Variants in TNIK observed in about 807,000 individuals in gnomAD.
The protein encoded by TNIK is TRAF2 and NCK interacting kinase, also known as TRAF2 and NCK-interacting protein kinase.
TNIK carries 49 observed loss-of-function variants against 191.3 expected under a neutral mutation model. The observed-to-expected ratio is 0.26, with a 90% CI of 0.20 to 0.32. The LOEUF is 0.32. Ranked by LOEUF, TNIK falls within the 10% of genes least tolerant of loss-of-function variation. The pLI is 1.00. For synonymous variants in TNIK, 594 were observed against 600.9 expected (o/e 0.99, Z 0.17); for missense variants, 1,155 against 1,702.3 (o/e 0.68, Z 5.66).
chr3:171,228,909 A>G (rs928869873), intron 2 of TNIK, among the ~76,000 whole-genome samples: 2 of 152,206 alleles, frequency 1.3e-5, no homozygotes, highest in East Asian at 3.9e-4. Flanking sequence ...TCCTTGAGAA[A>G]ACACAATGTC....
At chr3:171,085,394 G>T (rs1343989882) in intron 24 of TNIK, among the ~76,000 whole-genome samples, 165 bp from the exon 25 acceptor site, 1 of 152,156 alleles carries the variant, frequency 6.6e-6, no homozygotes, top group African/African-American at 2.4e-5. Context: ...AGCTTCTTCT[G>T]GTATTGGTTA....
chr3:171,434,940 A>G lies in TNIK; in HGVS notation c.57+25067T>C, dbSNP rs143513486. Among the ~76,000 whole-genome samples, 336 of 152,312 alleles carry G rather than the reference A, an allele frequency of 2.2e-3. 2 individuals are homozygous for G. The highest frequency in any genetic ancestry group is 7.6e-3 in the African/African-American group (314 of 41,566). ...TGCAACTGCAAGTAAAAAAAAACAC[A>G]CAACTGAGAGTGGCTTAAACAATGT... On this transcript the variant is annotated intron_variant, in intron 1 of 32. Transcript: ENST00000436636.
At chr3:171,332,198 T>C (rs1412487608) in intron 2 of TNIK, among the ~76,000 whole-genome samples, 1 of 152,218 alleles carries the variant, frequency 6.6e-6, no homozygotes, top group Admixed American at 6.5e-5. Flanking sequence ...CCCCTACCAT[T>C]AAAAATTCTT....
intron 1 of TNIK, among the ~76,000 whole-genome samples, chr3:171,441,899 AT>A (rs1726860006): frequency 1.3e-5 from 2 of 152,254 alleles, no homozygotes; most frequent in Non-Finnish European, 2.9e-5. Flanking sequence ...CAGAGTTCAC[AT>A]GATCTCACAA....
chr3:171,333,535 C>T (rs1347094339), intron 2 of TNIK, among the ~76,000 whole-genome samples: 1 of 147,478 alleles, frequency 6.8e-6, no homozygotes, highest in Non-Finnish European at 1.5e-5. Flanking sequence ...GATCGCACCA[C>T]TGCACTCCAA....
At chr3:171,185,306 A>G (rs1737228602) in intron 7 of TNIK, among the ~76,000 whole-genome samples, 1 of 152,042 alleles carries the variant, frequency 6.6e-6, no homozygotes, top group Non-Finnish European at 1.5e-5. Context: ...TGGTTCTGTT[A>G]AAGTAATAAA....
In TNIK at chr3:171,440,718, G is replaced by A. The variant is rs186536869; in HGVS notation, c.57+19289C>T. Among the ~76,000 whole-genome samples, 807 of 152,336 alleles carry A rather than the reference G, an allele frequency of 5.3e-3. 3 individuals are homozygous for A. Among genetic ancestry groups the A allele is most frequent in the Admixed American group, 9.9e-3 (151 of 15,300 alleles). ...GAGCTTATAGTCTCTTCTGCAGGAA[G>A]AGGGTGTGGAGGGAGACAACCAAAT... On this transcript the variant is annotated intron_variant, in intron 1 of 32. Transcript: ENST00000436636.
At chr3:171,280,141 G>T (rs1337523846) in intron 2 of TNIK, among the ~76,000 whole-genome samples, 1 of 152,136 alleles carries the variant, frequency 6.6e-6, no homozygotes, top group African/African-American at 2.4e-5. Flanking sequence ...ATGAATGGAT[G>T]GGCACCACAC....
Position 171,101,597 on chromosome 3 carries a change from G to A in TNIK, c.2443C>T (p.Arg815Trp), listed in dbSNP as rs181528556. 1.8e-5 allele frequency: 29 copies of A among 1,613,152 alleles called. No homozygotes were observed. Among genetic ancestry groups the A allele is most frequent in the East Asian group, 1.1e-4 (5 of 44,862 alleles). ...ATTGGGCGGTTTGTTTCTTCAATCC[G>A]GAGTTCTCTTAGTTCTTTGGCTAAT... The part of the protein sequence containing the change: ...TALAKELREL[R>W]IEETNRPMKK... Residue 815 changes from arginine to tryptophan, a missense_variant, in exon 22 of 33, where the codon CGG (arginine) becomes TGG (tryptophan). Arg to Trp is a moderately radical substitution (Grantham distance 101, BLOSUM62 -3). Around this residue, in one of 3 missense-constraint regions of TNIK, gnomAD observed 735 missense variants for 848.0 expected, o/e 0.87. Transcript: ENST00000436636.
intron 12 of TNIK, among the ~76,000 whole-genome samples, chr3:171,140,716 C>G (rs967764628): frequency 6.6e-6 from 1 of 152,168 alleles, no homozygotes; most frequent in Non-Finnish European, 1.5e-5. Flanking sequence ...GCATAACATA[C>G]TTCCATTTAC....
intron 1 of TNIK, among the ~76,000 whole-genome samples, chr3:171,374,318 T>C (rs1716932342): frequency 6.6e-6 from 1 of 152,214 alleles, no homozygotes; most frequent in South Asian, 2.1e-4. Flanking sequence ...GAGCCTGTTG[T>C]AGTAAACTGT....
intron 1 of TNIK, among the ~76,000 whole-genome samples, chr3:171,441,222 A>G (rs1726760072): frequency 6.6e-6 from 1 of 152,168 alleles, no homozygotes; most frequent in Non-Finnish European, 1.5e-5. Flanking sequence ...AGGTACTTAC[A>G]TACCATAAAA....
intron 18 of TNIK, among the ~76,000 whole-genome samples, chr3:171,117,508 G>GAGACATATACATATATATA (rs1305350984): frequency 2.0e-5 from 3 of 152,104 alleles, no homozygotes; most frequent in African/African-American, 7.2e-5. Flanking sequence ...ACATATATAT[G>GAGACATATACATATATATA]AGACATATGT....
intron 10 of TNIK, among the ~76,000 whole-genome samples, chr3:171,162,692 A>C (rs1214234430): frequency 6.6e-6 from 1 of 152,172 alleles, no homozygotes. Context: ...CTGTTCTCTC[A>C]TTTATTTTTC....
intron 1 of TNIK, among the ~76,000 whole-genome samples, chr3:171,414,527 A>C (rs1722809169): frequency 6.6e-6 from 1 of 152,184 alleles, no homozygotes; most frequent in African/African-American, 2.4e-5. Flanking sequence ...CCTTCATCGC[A>C]TGCTTCCAGC....
At chr3:171,152,290 T>C (rs1426205651) in intron 12 of TNIK, among the ~76,000 whole-genome samples, 1 of 150,384 alleles carries the variant, frequency 6.6e-6, no homozygotes, top group African/African-American at 2.5e-5. Context: ...AATAAATTAA[T>C]TAAAAAAAAA....
chr3:171,447,075 C>T (rs1727600875), intron 1 of TNIK, among the ~76,000 whole-genome samples: 1 of 152,278 alleles, frequency 6.6e-6, no homozygotes, highest in Admixed American at 6.5e-5. Flanking sequence ...CCTGTAATCC[C>T]AGCTACTCAG....
At chr3:171,176,624 A>C (rs1456233165) in intron 8 of TNIK, among the ~76,000 whole-genome samples, 1 of 152,178 alleles carries the variant, frequency 6.6e-6, no homozygotes, top group East Asian at 1.9e-4. Context: ...CCTACAAAGG[A>C]ATCTTGTGTC....
At chr3:171,377,785 C>A (rs1341752318) in intron 1 of TNIK, among the ~76,000 whole-genome samples, 1 of 152,180 alleles carries the variant, frequency 6.6e-6, no homozygotes, top group Non-Finnish European at 1.5e-5. Context: ...GCATTTAGCA[C>A]AATGCATGGC....
Sources: gnomAD v4.1 joint callset for allele counts (sites outside exome capture counted in the v4.1 genomes callset) on GRCh38, gnomAD v4.1.1 for gene constraint, gnomAD v4.1.1 regional missense constraint, MANE v1.5 for transcripts, NCBI Gene and HGNC (gene_info 2026-07-23, HGNC 2026-07-21) for gene names.